Variants in SLC9C1 observed in about 807,000 individuals in gnomAD.
SLC9C1 encodes the protein sodium/hydrogen exchanger 10.
A neutral mutation model predicts 140.9 loss-of-function variants in SLC9C1; 97 were observed. The observed-to-expected ratio is 0.69, with a 90% CI of 0.58 to 0.82. The LOEUF (loss-of-function observed/expected upper bound fraction) is 0.82, where lower values mean the gene tolerates loss of function less well. Ranked by LOEUF, SLC9C1 falls within the 40% of genes least tolerant of loss-of-function variation. SLC9C1 has a pLI of 0.00. For synonymous variants in SLC9C1, 440 were observed against 442.6 expected (o/e 0.99, Z 0.07); for missense variants, 1,340 against 1,389.3 (o/e 0.96, Z 0.56).
Position 112,193,146 on chromosome 3 carries a change from C to T in SLC9C1, c.2523+6175G>A, listed in dbSNP as rs746111973. On this transcript the variant is annotated intron_variant, in intron 20 of 28. Coordinates refer to ENST00000305815, the MANE Select transcript of SLC9C1 (RefSeq NM_183061.3). ...GTTTCAGTGGCCTAAGCTATGAGAGCGTGTGGTGGTAATGCCATGGCTTTG... is the reference window on the plus strand; with the variant it reads ...GTTTCAGTGGCCTAAGCTATGAGAGTGTGTGGTGGTAATGCCATGGCTTTG... Among the ~76,000 whole-genome samples the T allele has an allele frequency of 5.3e-5, 8 of 152,222 alleles. No individual in the cohort carries two copies. In the East Asian group the frequency reaches 5.8e-4, roughly 11 times the overall value.
chr3:112,288,854 T>A (rs2080596944), intron 1 of SLC9C1, among the ~76,000 whole-genome samples: 1 of 152,116 alleles, frequency 6.6e-6, no homozygotes. Flanking sequence ...TAGCTTACTT[T>A]AACACCACTG....
At chr3:112,268,518 A>G (rs2079984462) in intron 7 of SLC9C1, among the ~76,000 whole-genome samples, 1 of 152,236 alleles carries the variant, frequency 6.6e-6, no homozygotes, top group Non-Finnish European at 1.5e-5. Context: ...TTTTACCAAT[A>G]CAAAAAGAAT....
At chr3:112,236,454 A>G (rs1413150786) in intron 12 of SLC9C1, among the ~76,000 whole-genome samples, 2 of 151,790 alleles carry the variant, frequency 1.3e-5, no homozygotes, top group Non-Finnish European at 1.5e-5. Context: ...AAGGGATTTT[A>G]TGTCTCTATT....
At chr3:112,220,744 G>C (rs2078518440) in intron 14 of SLC9C1, among the ~76,000 whole-genome samples, 1 of 152,196 alleles carries the variant, frequency 6.6e-6, no homozygotes, top group Non-Finnish European at 1.5e-5. Context: ...TACTACCTGT[G>C]TATTGGGGAA....
intron 9 of SLC9C1, among the ~76,000 whole-genome samples, chr3:112,263,706 T>C (rs528816138): frequency 6.6e-5 from 10 of 152,052 alleles, no homozygotes; most frequent in Middle Eastern, 3.4e-3. Flanking sequence ...ATGGTGGTTT[T>C]TCTCACTCTA....
At chr3:112,145,272 G>A (rs748348069) in intron 28 of SLC9C1, among the ~76,000 whole-genome samples, 147 of 100,954 alleles carry the variant, frequency 1.5e-3, no homozygotes, top group Non-Finnish European at 2.6e-3. Context: ...TGATTTGCTG[G>A]ATGTTGAACC....
At chr3:112,259,607 G>C (rs4682388) in intron 10 of SLC9C1, among the ~76,000 whole-genome samples, 44,967 of 151,802 alleles carry the variant, frequency 0.3, 7,212 homozygotes, top group East Asian at 0.43. Context: ...GAAAACAACA[G>C]ACACTGGGCT....
At chr3:112,161,515 T>C (rs1469355976) in intron 26 of SLC9C1, among the ~76,000 whole-genome samples, 1 of 152,216 alleles carries the variant, frequency 6.6e-6, no homozygotes, top group Non-Finnish European at 1.5e-5. Context: ...CAGCACCATT[T>C]ATTAAATAGG....
chr3:112,153,889 T>G (rs1023568581), intron 27 of SLC9C1, among the ~76,000 whole-genome samples: 1 of 152,192 alleles, frequency 6.6e-6, no homozygotes, highest in Non-Finnish European at 1.5e-5. Flanking sequence ...GAGGAAACTT[T>G]TTCCCAAGAA....
At chr3:112,287,202 A>G (rs58441065) in intron 1 of SLC9C1, among the ~76,000 whole-genome samples, 1,657 of 152,364 alleles carry the variant, frequency 0.011, 32 homozygotes, top group African/African-American at 0.037. Context: ...TGGAACCACA[A>G]GCTGGTGCAG....
intron 23 of SLC9C1, among the ~76,000 whole-genome samples, chr3:112,178,070 G>A (rs1181827458): frequency 6.6e-6 from 1 of 150,988 alleles, no homozygotes. Flanking sequence ...GTATTTATTT[G>A]GTTATTATAT....
intron 19 of SLC9C1, 70 bp downstream of exon 19, chr3:112,200,641 G>A (rs1192408803): frequency 3.5e-6 from 5 of 1,425,180 alleles, no homozygotes; most frequent in South Asian, 1.2e-5. Flanking sequence ...CTCGAGTTAT[G>A]AAAACCATTG....
At chr3:112,180,416 G>A (rs895111836) in intron 22 of SLC9C1, 148 bp downstream of exon 22, 9 of 513,582 alleles carry the variant, frequency 1.8e-5, no homozygotes, top group Non-Finnish European at 3.1e-5. Flanking sequence ...CCAGCTACTT[G>A]GGAGGCTGAG....
chr3:112,172,253 A>T (rs2077260519), intron 23 of SLC9C1, among the ~76,000 whole-genome samples: 1 of 152,090 alleles, frequency 6.6e-6, no homozygotes, highest in South Asian at 2.1e-4. Flanking sequence ...TTATCTAGGA[A>T]ATATTCTATG....
At chr3:112,169,144 T>G in intron 24 of SLC9C1, 53 bp downstream of exon 24, 2 of 1,593,214 alleles carry the variant, frequency 1.3e-6, no homozygotes, top group Non-Finnish European at 1.7e-6. Context: ...TATAATGTTT[T>G]AATGCCATTC....
chr3:112,256,726 G>A (rs2079616911), intron 10 of SLC9C1, among the ~76,000 whole-genome samples: 1 of 152,072 alleles, frequency 6.6e-6, no homozygotes, highest in Non-Finnish European at 1.5e-5. Flanking sequence ...GGTCAATCAG[G>A]CAAGAGAAAG....
intron 8 of SLC9C1, among the ~76,000 whole-genome samples, chr3:112,265,241 G>T (rs13091981): frequency 0.3 from 44,952 of 151,850 alleles, 7,213 homozygotes; most frequent in East Asian, 0.43. Flanking sequence ...TATAAGGAAT[G>T]AAGAATAAAG....
intron 16 of SLC9C1, among the ~76,000 whole-genome samples, chr3:112,207,834 T>C (rs2078097913): frequency 6.6e-6 from 1 of 152,154 alleles, no homozygotes; most frequent in Non-Finnish European, 1.5e-5. Flanking sequence ...TAGAGAGATA[T>C]AAAAATATCT....
In SLC9C1 at chr3:112,264,182, T is replaced by C; in HGVS notation, c.1022+18A>G. The C allele has an allele frequency of 2.9e-6, 3 of 1,051,138 alleles. No homozygotes were observed. Among genetic ancestry groups the C allele is most frequent in the Non-Finnish European group, 2.5e-6 (2 of 800,976 alleles). The allele number at this position is 1,051,138 out of a possible 1,614,324, so 65.1% of individuals were successfully genotyped here. A position where few individuals can be genotyped will look rare whatever the true frequency, so the allele number is the denominator to read the frequency against. On this transcript the variant is annotated intron_variant, in intron 9 of 28. Transcript: ENST00000305815. ...ACTCAATTATCTATAAATAGAAAAA[T>C]TTTAATGATGTTCTTACCTTAAAAC...
Sources: allele counts gnomAD v4.1 joint callset (sites outside exome capture counted in the v4.1 genomes callset), GRCh38; gene constraint gnomAD v4.1.1; transcripts MANE v1.5; gene names NCBI Gene and HGNC (gene_info 2026-07-23, HGNC 2026-07-21).